The following COBL variants were observed in gnomAD, a reference collection of about 807,000 sequenced individuals.
COBL encodes the protein cordon-bleu WH2 repeat protein.
In COBL, 51 loss-of-function variants were observed where a neutral mutation model predicts 98.8. The observed-to-expected ratio is 0.52, with a 90% CI of 0.41 to 0.65. The LOEUF is 0.65. COBL is among the 30% of genes least tolerant of loss of function. The probability of loss-of-function intolerance (pLI) is 0.00; values close to 1 mark genes in which losing one functional copy is unlikely to be tolerated. For synonymous variants in COBL, 634 were observed against 651.7 expected, an observed-to-expected ratio of 0.97 and a Z score of 0.41; for missense variants, 1,617 against 1,617.5, an observed-to-expected ratio of 1.00 and a Z score of 0.01.
At chr7:51,216,365 A>G (rs1793046743) in intron 2 of COBL, among the ~76,000 whole-genome samples, 1 of 152,156 alleles carries the variant, frequency 6.6e-6, no homozygotes, top group African/African-American at 2.4e-5. Flanking sequence ...TACTTTTAGT[A>G]GAGACAGGTT....
intron 1 of COBL, among the ~76,000 whole-genome samples, chr7:51,228,274 T>C (rs1254458421): frequency 6.6e-6 from 1 of 151,708 alleles, no homozygotes; most frequent in African/African-American, 2.4e-5. Context: ...GCTGAGTAAA[T>C]GGGAGGATTA....
intron 12 of COBL, among the ~76,000 whole-genome samples, chr7:51,024,831 C>T (rs557013758): frequency 6.6e-6 from 1 of 152,272 alleles, no homozygotes; most frequent in East Asian, 1.9e-4. Flanking sequence ...GCTTGGGTTA[C>T]AGTGGGGTTT....
chr7:51,073,395 G>T (rs1023708129), intron 7 of COBL: 4 of 676,054 alleles, frequency 5.9e-6, no homozygotes, highest in Non-Finnish European at 8.1e-6. Context: ...ACTGCGGGGG[G>T]AAAATAAATG....
chr7:51,124,924 G>C (rs1156334667), intron 6 of COBL, among the ~76,000 whole-genome samples: 1 of 152,104 alleles, frequency 6.6e-6, no homozygotes, highest in Non-Finnish European at 1.5e-5. Context: ...TGATTCTCGT[G>C]TCTCAGCTTC....
intron 5 of COBL, among the ~76,000 whole-genome samples, chr7:51,180,835 G>A (rs1033192840): frequency 6.6e-6 from 1 of 152,106 alleles, no homozygotes; most frequent in East Asian, 1.9e-4. Context: ...TGGAATTCAG[G>A]TTTGTTTGAT....
At chr7:51,109,075 A>G (rs1045802188) in intron 6 of COBL, among the ~76,000 whole-genome samples, 8 of 152,114 alleles carry the variant, frequency 5.3e-5, no homozygotes, top group African/African-American at 1.9e-4. Context: ...ACCTGTGTGA[A>G]TGGCCCAGTG....
At chr7:51,115,012 T>G (rs924847253) in intron 6 of COBL, among the ~76,000 whole-genome samples, 3 of 152,232 alleles carry the variant, frequency 2.0e-5, no homozygotes, top group Admixed American at 2.0e-4. Flanking sequence ...AGATTTTTGT[T>G]TCAGCTTGTG....
intron 8 of COBL, among the ~76,000 whole-genome samples, chr7:51,039,402 G>A (rs1162400027): frequency 2.0e-5 from 3 of 152,200 alleles, no homozygotes; most frequent in Non-Finnish European, 4.4e-5. Flanking sequence ...TGTAGGGATC[G>A]TGACCACCTG....
intron 1 of COBL, among the ~76,000 whole-genome samples, chr7:51,246,034 GGTAT>G (rs1796246987): frequency 6.6e-6 from 1 of 151,768 alleles, no homozygotes; most frequent in African/African-American, 2.4e-5. Flanking sequence ...TATACCATGT[GGTAT>G]GTATGTGTCA....
At chr7:51,115,193 T>C (rs1287786130) in intron 6 of COBL, among the ~76,000 whole-genome samples, 1 of 152,208 alleles carries the variant, frequency 6.6e-6, no homozygotes, top group African/African-American at 2.4e-5. Flanking sequence ...TCAATCTAGA[T>C]ATGTTGATCA....
At chr7:51,055,115 T>A (rs1162400234) in intron 7 of COBL, among the ~76,000 whole-genome samples, 2 of 152,164 alleles carry the variant, frequency 1.3e-5, no homozygotes, top group Admixed American at 6.5e-5. Context: ...CAGCCGGAGT[T>A]CTCAGAACAA....
intron 7 of COBL, among the ~76,000 whole-genome samples, chr7:51,070,609 T>C (rs1238911957): frequency 4.6e-5 from 7 of 152,222 alleles, no homozygotes; most frequent in Admixed American, 1.3e-4. Flanking sequence ...TGTTTTGTTA[T>C]GGGAAATGTT....
At chr7:51,040,691 G>A (rs945030725) in intron 8 of COBL, among the ~76,000 whole-genome samples, 2 of 152,076 alleles carry the variant, frequency 1.3e-5, no homozygotes, top group African/African-American at 4.8e-5. Flanking sequence ...GGTCTATCAG[G>A]TTCCCGAACT....
chr7:51,152,123 C>T (rs1785621837), intron 5 of COBL, among the ~76,000 whole-genome samples: 1 of 152,118 alleles, frequency 6.6e-6, no homozygotes, highest in Non-Finnish European at 1.5e-5. Context: ...CAGGAAAGTG[C>T]CAAGATAGAC....
intron 1 of COBL, among the ~76,000 whole-genome samples, chr7:51,239,190 G>A (rs984824021): frequency 2.0e-5 from 3 of 152,142 alleles, no homozygotes; most frequent in Non-Finnish European, 2.9e-5. Context: ...GGTAAAATTA[G>A]GCTGAGACCT....
At chr7:51,217,747 C>T (rs996699340) in intron 2 of COBL, among the ~76,000 whole-genome samples, 1 of 152,130 alleles carries the variant, frequency 6.6e-6, no homozygotes, top group African/African-American at 2.4e-5. Flanking sequence ...CATGCATATA[C>T]TAAAGTGTTT....
chr7:51,190,218 T>G (rs1414318686), intron 4 of COBL, among the ~76,000 whole-genome samples: 6 of 152,188 alleles, frequency 3.9e-5, no homozygotes, highest in Non-Finnish European at 7.3e-5. Flanking sequence ...AAGATAATTT[T>G]TTTTTTAAAG....
intron 3 of COBL, 90 bp from the exon 4 acceptor site, chr7:51,191,168 G>A: frequency 8.8e-7 from 1 of 1,131,960 alleles, no homozygotes; most frequent in Non-Finnish European, 1.3e-6. Context: ...GGGTGTGGCA[G>A]GATTGTGTGT....
chr7:51,023,603 T>G (rs191180123), intron 12 of COBL, among the ~76,000 whole-genome samples: 1 of 152,194 alleles, frequency 6.6e-6, no homozygotes, highest in Admixed American at 6.5e-5. Flanking sequence ...GGCAACAAAG[T>G]TGTGACCTCT....
Sources: allele counts gnomAD v4.1 joint callset (sites outside exome capture counted in the v4.1 genomes callset), GRCh38; gene constraint gnomAD v4.1.1; transcripts MANE v1.5; gene names NCBI Gene and HGNC (gene_info 2026-07-23, HGNC 2026-07-21).